ZFP14: variants seen among roughly 807,000 people sequenced by gnomAD.
The protein encoded by ZFP14 is zinc finger protein 14 homolog.
In ZFP14, 22 loss-of-function variants were observed where a neutral mutation model predicts 54.5. That is an observed-to-expected ratio of 0.40 (90% CI 0.29 to 0.58). The LOEUF (loss-of-function observed/expected upper bound fraction) is 0.58, where lower values mean the gene tolerates loss of function less well. Ranked by LOEUF, ZFP14 falls within the 20% of genes least tolerant of loss-of-function variation. ZFP14 has a pLI of 0.39. For synonymous variants in ZFP14, 159 were observed against 204.0 expected (o/e 0.78, Z 1.88); for missense variants, 470 against 637.8 (o/e 0.74, Z 2.83).
intron 4 of ZFP14, among the ~76,000 whole-genome samples, chr19:36,344,748 C>T (rs1182129912): frequency 1.3e-5 from 2 of 152,118 alleles, no homozygotes; most frequent in Non-Finnish European, 2.9e-5. Flanking sequence ...ATCTAGGTTG[C>T]ACACTCCTTA....
At chr19:36,376,250 C>T (rs932461114) in intron 1 of ZFP14, among the ~76,000 whole-genome samples, 2 of 152,076 alleles carry the variant, frequency 1.3e-5, no homozygotes, top group Non-Finnish European at 2.9e-5. Context: ...ACTACATATG[C>T]TTCTTCCCAC....
intron 2 of ZFP14, among the ~76,000 whole-genome samples, chr19:36,366,368 G>A (rs1288730349): frequency 1.3e-5 from 2 of 152,156 alleles, no homozygotes; most frequent in Non-Finnish European, 2.9e-5. Flanking sequence ...ATCCAGGCTG[G>A]AGTGCAATGG....
intron 2 of ZFP14, chr19:36,362,832 A>G: frequency 3.3e-6 from 1 of 305,554 alleles, no homozygotes; most frequent in Non-Finnish European, 6.5e-6. Context: ...ATGTGCTACA[A>G]AATCCAAGAA....
At chr19:36,342,630 C>T (rs1348830117) in intron 4 of ZFP14, among the ~76,000 whole-genome samples, 1 of 152,118 alleles carries the variant, frequency 6.6e-6, no homozygotes, top group East Asian at 1.9e-4. Context: ...GGTCCTGAGA[C>T]ACTGTACATG....
chr19:36,349,700 A>G (rs972926818), intron 4 of ZFP14, among the ~76,000 whole-genome samples: 1 of 147,068 alleles, frequency 6.8e-6, no homozygotes, highest in African/African-American at 2.5e-5. Context: ...TATATAATAT[A>G]TATATAATAT....
chr19:36,361,666 C>T (rs2031713860), intron 3 of ZFP14, among the ~76,000 whole-genome samples: 1 of 152,212 alleles, frequency 6.6e-6, no homozygotes, highest in South Asian at 2.1e-4. Flanking sequence ...TCCCGAGTAG[C>T]TGGGATTACA....
intron 1 of ZFP14, among the ~76,000 whole-genome samples, chr19:36,373,200 C>T (rs1199368250): frequency 1.3e-5 from 2 of 151,786 alleles, no homozygotes; most frequent in Non-Finnish European, 2.9e-5. Flanking sequence ...TCACTTGAAC[C>T]CGGGAGGCGG....
At chr19:36,374,030 T>C (rs2031921034) in intron 1 of ZFP14, among the ~76,000 whole-genome samples, 1 of 152,110 alleles carries the variant, frequency 6.6e-6, no homozygotes, top group Non-Finnish European at 1.5e-5. Flanking sequence ...ATGACTGCAT[T>C]GCAAGACCTA....
chr19:36,368,259 G>A (rs535620701), intron 1 of ZFP14, among the ~76,000 whole-genome samples: 2 of 152,180 alleles, frequency 1.3e-5, no homozygotes, highest in East Asian at 1.9e-4. Flanking sequence ...ACCTGAGGTC[G>A]GGAGTTCGAG....
intron 1 of ZFP14, among the ~76,000 whole-genome samples, chr19:36,375,383 A>G (rs1300891454): frequency 7.2e-6 from 1 of 138,970 alleles, no homozygotes; most frequent in Non-Finnish European, 1.5e-5. Flanking sequence ...AGCAGGAAGG[A>G]ATTTTTTTTT....
At chr19:36,376,435 A>G (rs1449705719) in intron 1 of ZFP14, among the ~76,000 whole-genome samples, 1 of 152,050 alleles carries the variant, frequency 6.6e-6, no homozygotes, top group Non-Finnish European at 1.5e-5. Context: ...AACCCCAGCT[A>G]CTTGGGAGGC....
At chr19:36,343,819 C>T (rs1012357155) in intron 4 of ZFP14, among the ~76,000 whole-genome samples, 1 of 152,044 alleles carries the variant, frequency 6.6e-6, no homozygotes, top group Non-Finnish European at 1.5e-5. Context: ...TGTGCTAGCT[C>T]AGGTGTCTCT....
chr19:36,360,396 C>A (rs1433673364), intron 4 of ZFP14, 39 bp downstream of exon 4: 2 of 1,577,130 alleles, frequency 1.3e-6, no homozygotes, highest in Non-Finnish European at 1.7e-6. Flanking sequence ...CTATTACCTG[C>A]AGTAGTGATT....
At chr19:36,362,276 A>G in intron 2 of ZFP14, 38 bp from the exon 3 acceptor site, 1 of 1,570,770 alleles carries the variant, frequency 6.4e-7, no homozygotes, top group Non-Finnish European at 8.6e-7. Context: ...GTGAAAATAA[A>G]TTAAATACTT....
At chr19:36,357,313 G>T (rs1416756830) in intron 4 of ZFP14, among the ~76,000 whole-genome samples, 2 of 152,332 alleles carry the variant, frequency 1.3e-5, no homozygotes, top group Non-Finnish European at 2.9e-5. Context: ...AAAGTGCTAG[G>T]ATTACAGATG....
intron 2 of ZFP14, chr19:36,362,892 CT>C: frequency 3.9e-6 from 1 of 255,800 alleles, no homozygotes; most frequent in South Asian, 3.7e-5. Flanking sequence ...AACACTTTCT[CT>C]TTTATAACCA....
Position 36,341,073 on chromosome 19 carries a change from C to T in ZFP14, c.753G>A (p.Thr251=), listed in dbSNP as rs921703513. The T allele has an allele frequency of 8.1e-6, 13 of 1,612,094 alleles. No individual in the cohort carries two copies. Among genetic ancestry groups the T allele is most frequent in the Middle Eastern group, 1.7e-4 (1 of 6,052 alleles). The change falls in exon 5 of 5, where the codon ACG becomes ACA. Residue 251 remains threonine (T), a synonymous_variant. Transcript: ENST00000270001. This position sits in a 1 kb window ranked among gnomAD's most constrained non-coding sequence, Gnocchi z 4.2. ...CCTTACATTCATAGGGTTTTTCACC[C>T]GTATGAAGTCTCTGATGTTGAGTAA... The part of the protein sequence containing the change: ...QELTQHQRLH[T]GEKPYECKEC...
intron 1 of ZFP14, among the ~76,000 whole-genome samples, chr19:36,370,143 C>T (rs538309132): frequency 1.3e-5 from 2 of 152,286 alleles, no homozygotes; most frequent in Admixed American, 1.3e-4. Flanking sequence ...GGTGAGAGAT[C>T]GCAGTACTGG....
At chr19:36,377,859 A>AC (rs1555757458) in intron 1 of ZFP14, among the ~76,000 whole-genome samples, 15 of 152,112 alleles carry the variant, frequency 9.9e-5, no homozygotes, top group Non-Finnish European at 1.8e-4. Flanking sequence ...AAATACAAAA[A>AC]AAAACAAAAC....
Sources: gnomAD v4.1 joint callset for allele counts (sites outside exome capture counted in the v4.1 genomes callset) on GRCh38, gnomAD v4.1.1 for gene constraint, Gnocchi (gnomAD v3.1) non-coding constraint, MANE v1.5 for transcripts, NCBI Gene and HGNC (gene_info 2026-07-23, HGNC 2026-07-21) for gene names.